COL6A5: variants seen among roughly 807,000 people sequenced by gnomAD.
The protein encoded by COL6A5 is collagen type VI alpha 5 chain.
A neutral mutation model predicts 65.6 loss-of-function variants in COL6A5; 48 were observed. The observed-to-expected ratio is 0.73, with a 90% CI of 0.58 to 0.93. COL6A5 has a LOEUF of 0.93. COL6A5 is among the 40% of genes least tolerant of loss of function. The probability of loss-of-function intolerance (pLI) is 0.00; values close to 1 mark genes in which losing one functional copy is unlikely to be tolerated. For missense variants in COL6A5, 914 were observed against 928.3 expected (o/e 0.98, Z 0.20); for synonymous variants, 291 against 322.8 (o/e 0.90, Z 1.05).
At chr3:130,406,309 T>A in exon 17 of COL6A5, 1 of 1,549,674 alleles carries the variant, frequency 6.5e-7, no homozygotes, top group Non-Finnish European at 8.7e-7. Context: ...AAAAAGGTGA[T>A]CCAGGATCTC....
chr3:130,446,906 C>T (rs1371739399), intron 4 of COL6A5, among the ~76,000 whole-genome samples: 1 of 152,040 alleles, frequency 6.6e-6, no homozygotes, highest in Non-Finnish European at 1.5e-5. Flanking sequence ...TCTTTAGGAA[C>T]ATTTAAAAAA....
chr3:130,479,867 A>G (rs1440055218), intron 7 of COL6A5, among the ~76,000 whole-genome samples: 2 of 152,110 alleles, frequency 1.3e-5, no homozygotes, highest in African/African-American at 4.8e-5. Context: ...TAACAGGTAT[A>G]ATTAATAGCC....
At chr3:130,354,590 C>T (rs1028320291) in intron 1 of COL6A5, among the ~76,000 whole-genome samples, 5 of 152,190 alleles carry the variant, frequency 3.3e-5, no homozygotes, top group East Asian at 1.9e-4. Context: ...TTAATTCATA[C>T]GCACGTTAAA....
chr3:130,357,986 G>C (rs1039960784), intron 1 of COL6A5, among the ~76,000 whole-genome samples: 1 of 151,918 alleles, frequency 6.6e-6, no homozygotes, highest in African/African-American at 2.4e-5. Flanking sequence ...TCAGGTGATC[G>C]AGACCATCCT....
chr3:130,441,500 T>C (rs758850271), intron 3 of COL6A5, among the ~76,000 whole-genome samples: 1 of 152,296 alleles, frequency 6.6e-6, no homozygotes, highest in East Asian at 1.9e-4. Context: ...CAATTTGACA[T>C]TGATTGCTGC....
intron 1 of COL6A5, among the ~76,000 whole-genome samples, chr3:130,367,405 T>C (rs780633073): frequency 2.0e-5 from 3 of 152,168 alleles, no homozygotes; most frequent in Non-Finnish European, 4.4e-5. Flanking sequence ...TACCTCATCC[T>C]CCCATATTTT....
At chr3:130,472,516 A>G (rs1709976713) in intron 7 of COL6A5, among the ~76,000 whole-genome samples, 1 of 151,990 alleles carries the variant, frequency 6.6e-6, no homozygotes, top group South Asian at 2.1e-4. Context: ...AGCGATTCAC[A>G]GTCCTTGCTG....
intron 13 of COL6A5, among the ~76,000 whole-genome samples, chr3:130,404,843 A>G (rs903798907): frequency 5.3e-5 from 8 of 152,268 alleles, no homozygotes; most frequent in African/African-American, 1.9e-4. Context: ...TTATTCATGC[A>G]GCAAAATGTA....
intron 25 of COL6A5, among the ~76,000 whole-genome samples, chr3:130,420,852 G>A (rs138168276): frequency 7.5e-4 from 114 of 152,186 alleles, no homozygotes; most frequent in African/African-American, 2.6e-3. Context: ...CACCTGTGTT[G>A]TTTGGACCAG....
chr3:130,415,509 A>G (rs2107678848), intron 22 of COL6A5, 136 bp from the exon 23 acceptor site: 1 of 710,860 alleles, frequency 1.4e-6, no homozygotes, highest in East Asian at 2.9e-5. Flanking sequence ...GACTCTTAAT[A>G]CATGCTTAAT....
At chr3:130,391,204 CGTT>C (rs1379861848) in exon 7 of COL6A5, 4 of 1,549,752 alleles carry the variant, frequency 2.6e-6, no homozygotes, top group African/African-American at 1.4e-5. Flanking sequence ...CACTACTAGA[CGTT>C]GTGTTTGTGC....
intron 28 of COL6A5, 91 bp downstream of exon 28, chr3:130,422,873 AC>A: frequency 1.3e-6 from 1 of 776,042 alleles, no homozygotes; most frequent in Non-Finnish European, 2.0e-6. Flanking sequence ...TATTGATTCA[AC>A]CCAAGGGCAT....
At chr3:130,345,712 G>A in exon 1 of COL6A5, 1 of 398,708 alleles carries the variant, frequency 2.5e-6, no homozygotes, top group African/African-American at 2.1e-5. Context: ...AAGCCCCAGG[G>A]AAGAGCCAGG....
chr3:130,439,000 G>A (rs977744750), intron 1 of COL6A5, among the ~76,000 whole-genome samples: 3 of 152,178 alleles, frequency 2.0e-5, no homozygotes, highest in East Asian at 3.9e-4. Flanking sequence ...GATTGAGAGG[G>A]TCCTCTTGAC....
chr3:130,380,205 T>G (rs1446777242), intron 4 of COL6A5, among the ~76,000 whole-genome samples, 155 bp downstream of exon 4: 1 of 152,144 alleles, frequency 6.6e-6, no homozygotes, highest in African/African-American at 2.4e-5. Flanking sequence ...CCATACAACT[T>G]CAAACATTTG....
In COL6A5 at chr3:130,403,567, G is replaced by T. The variant is rs538217927; in HGVS notation, c.4228-42G>T. Reference sequence around the variant, plus strand: ...TGATTTCACAAGTTTGACTTTATTGGGGGGGGGTGACTAAAATGTATTGTT... The same window carrying T: ...TGATTTCACAAGTTTGACTTTATTGTGGGGGGGTGACTAAAATGTATTGTT... On this transcript the variant is annotated intron_variant and NMD_transcript_variant, in intron 12 of 41. Coordinates refer to the COL6A5 transcript ENST00000312481. 3.4e-5 allele frequency: 43 copies of T among 1,268,464 alleles called. No homozygotes were observed. The East Asian group carries it at 3.6e-4, about 11-fold the overall frequency. 78.6% of individuals were successfully genotyped at this position (1,268,464 alleles called of 1,614,324 possible). A position where few individuals can be genotyped will look rare whatever the true frequency, so the allele number is the denominator to read the frequency against.
intron 5 of COL6A5, 70 bp from the exon 38 acceptor site, chr3:130,468,725 G>A: frequency 2.0e-6 from 2 of 1,024,618 alleles, no homozygotes; most frequent in Non-Finnish European, 2.9e-6. Context: ...CTGTGTATTT[G>A]CCATCTATGA....
At chr3:130,386,157 G>T (rs1936179323) in intron 5 of COL6A5, among the ~76,000 whole-genome samples, 1 of 151,968 alleles carries the variant, frequency 6.6e-6, no homozygotes, top group Non-Finnish European at 1.5e-5. Flanking sequence ...AAGCACATTA[G>T]TTTACTGGTA....
chr3:130,422,086 G>C (rs1420837436), intron 27 of COL6A5, among the ~76,000 whole-genome samples: 1 of 152,046 alleles, frequency 6.6e-6, no homozygotes, highest in Non-Finnish European at 1.5e-5. Flanking sequence ...ATCAAATAAA[G>C]TATAGGAAAA....
Sources: gnomAD v4.1 joint callset for allele counts (sites outside exome capture counted in the v4.1 genomes callset) on GRCh38, gnomAD v4.1.1 for gene constraint, MANE v1.5 for transcripts, NCBI Gene and HGNC (gene_info 2026-07-23, HGNC 2026-07-21) for gene names.